The following AKNAD1 variants were observed in gnomAD, a reference collection of about 807,000 sequenced individuals.
The protein encoded by AKNAD1 is protein AKNAD1.
In AKNAD1, 67 loss-of-function variants were observed where a neutral mutation model predicts 90.8. That is an observed-to-expected ratio of 0.74 (90% CI 0.61 to 0.90). AKNAD1 has a LOEUF of 0.90. AKNAD1 is among the 40% of genes least tolerant of loss of function. The pLI is 0.00. For missense variants in AKNAD1, 957 were observed against 975.4 expected, an observed-to-expected ratio of 0.98 and a Z score of 0.25; for synonymous variants, 327 against 341.4, an observed-to-expected ratio of 0.96 and a Z score of 0.46.
intron 13 of AKNAD1, 101 bp from the exon 14 acceptor site, chr1:108,820,727 C>A: frequency 1.6e-6 from 1 of 643,854 alleles, no homozygotes; most frequent in Non-Finnish European, 2.6e-6. Context: ...TGAAATATTT[C>A]ATAAAATTTT....
At chr1:108,834,567 T>G in intron 8 of AKNAD1, 39 bp from the exon 9 acceptor site, 1 of 1,533,752 alleles carries the variant, frequency 6.5e-7, no homozygotes, top group East Asian at 2.3e-5. Context: ...AATGTTAGAA[T>G]CAGTTCTTGA....
At position 108,843,274 on chromosome 1, in the gene AKNAD1, C is replaced by T. The variant is rs760077253; in HGVS notation, c.1246-7G>A. On this transcript the variant is annotated splice_polypyrimidine_tract_variant and splice_region_variant and intron_variant, in intron 5 of 15. Transcript: ENST00000370001. ...CCTGCAGTTTCTCCAGGACCTGCAG[C>T]GGTGAAGTCACTGGAATCATTCACA... 9.9e-6 allele frequency: 16 copies of T among 1,612,702 alleles called. No individual in the cohort carries two copies. Among genetic ancestry groups the T allele is most frequent in the Middle Eastern group, 1.8e-4 (1 of 5,652 alleles).
At chr1:108,835,815 G>A (rs1028938374) in intron 7 of AKNAD1, among the ~76,000 whole-genome samples, 3 of 151,860 alleles carry the variant, frequency 2.0e-5, no homozygotes, top group African/African-American at 4.8e-5. Context: ...TAGTAGAAAC[G>A]GGGTTTCACC....
intron 9 of AKNAD1, 53 bp downstream of exon 9, chr1:108,834,394 T>C (rs1250055935): frequency 2.1e-6 from 3 of 1,462,050 alleles, no homozygotes; most frequent in Non-Finnish European, 2.8e-6. Flanking sequence ...TGGTTTTAGT[T>C]AAAGAGCCAA....
chr1:108,830,437 G>A, intron 10 of AKNAD1, 122 bp downstream of exon 10: 1 of 882,870 alleles, frequency 1.1e-6, no homozygotes, highest in South Asian at 1.6e-5. Flanking sequence ...GCCCAGGCCT[G>A]AGATCTGTGA....
chr1:108,828,801 C>T (rs923007604), intron 10 of AKNAD1, among the ~76,000 whole-genome samples: 9 of 151,806 alleles, frequency 5.9e-5, no homozygotes, highest in African/African-American at 1.9e-4. Context: ...TTGGATCTCA[C>T]TCAAGTGCAT....
rs756336209 is a variant in AKNAD1, at chr1:108,816,313, A to G, written c.2380-11T>C. 6.2e-7 allele frequency: 1 copy of G among 1,606,756 alleles called. No homozygotes were observed. The highest frequency in any genetic ancestry group is 1.3e-5 in the African/African-American group (1 of 74,670). ...AGCCGAGTTTAAAATCTACAGAGGA[A>G]AAGTCCACACATTTTAATTACATAA... On this transcript the variant is annotated splice_polypyrimidine_tract_variant and intron_variant, in intron 15 of 15. Coordinates refer to ENST00000370001, the MANE Select transcript of AKNAD1 (RefSeq NM_152763.5).
rs200797241 is a variant in AKNAD1 at position 108,848,954 on chromosome 1, C to T, written c.1140G>A (p.Met380Ile). The change falls in exon 4 of 16, where the codon ATG becomes ATA. Residue 380 changes from methionine to isoleucine, a missense_variant. By Grantham distance (10) the Met-to-Ile change is conservative. Transcript: ENST00000370001. ...IFQKISQGKQ[M>I]CQKLKEQTDQ... ...CAGTCTGTTCTTTCAACTTCTGACA[C>T]ATCTGTTTCCCTTGGGATATCTTTT... 1.8e-5 allele frequency: 29 copies of T among 1,609,406 alleles called. No homozygotes were observed. The highest frequency in any genetic ancestry group is 8.5e-7 in the Non-Finnish European group (1 of 1,178,802).
At chr1:108,831,683 GC>G (rs1394464139) in intron 9 of AKNAD1, among the ~76,000 whole-genome samples, 4 of 143,840 alleles carry the variant, frequency 2.8e-5, no homozygotes, top group African/African-American at 5.2e-5. Context: ...TCACTCTGTT[GC>G]CCAGGCTGGA....
At chr1:108,847,478 A>G (rs1218175343) in intron 5 of AKNAD1, among the ~76,000 whole-genome samples, 9 of 150,876 alleles carry the variant, frequency 6.0e-5, no homozygotes, top group Non-Finnish European at 7.4e-5. Context: ...AAAAACCTTC[A>G]ATGCTGCCCA....
intron 14 of AKNAD1, among the ~76,000 whole-genome samples, chr1:108,818,063 G>A (rs574036414): frequency 1.3e-5 from 2 of 152,308 alleles, no homozygotes; most frequent in South Asian, 4.1e-4. Context: ...GGGCTGTTAA[G>A]GTTGTGCAGA....
rs577565351 is a variant in AKNAD1, at chr1:108,853,333, A to G, written c.-103-566T>C. 2.8e-4 allele frequency among the ~76,000 whole-genome samples: 43 copies of G among 151,806 alleles called. No individual in the cohort carries two copies. The East Asian group carries it at 3.0e-3, about 10-fold the overall frequency. On this transcript the variant is annotated intron_variant, in intron 1 of 15. Coordinates refer to ENST00000370001, the MANE Select transcript of AKNAD1 (RefSeq NM_152763.5). The stretch of plus-strand genomic sequence containing the variant: ...TTTTTAGTAGAGATGGGGTTTCACC[A>G]TATTAGCCAGGATGGTCTTCATCTC...
Position 108,817,074 on chromosome 1 carries a change from CAA to C in AKNAD1, c.2351_2352del (p.Phe784Ter), listed in dbSNP as rs749469702. On this transcript the variant is annotated frameshift_variant, in exon 15 of 16. Transcript: ENST00000370001. LOFTEE classifies it high-confidence loss of function. The stretch of plus-strand genomic sequence containing the variant: ...TCAGATTTTATTTCTTCAGTGCTAT[CAA>C]AGTCACATAAGGATTTGCTTCCAGA... ...RISGSKSLCD[F>X]DSTEEIKSEI... 6.2e-7 allele frequency: 1 copy of C among 1,613,946 alleles called. No individual in the cohort carries two copies. Among genetic ancestry groups the C allele is most frequent in the African/African-American group, 1.3e-5 (1 of 74,896 alleles).
intron 13 of AKNAD1, chr1:108,823,074 AT>A: frequency 1.6e-6 from 1 of 645,066 alleles, no homozygotes; most frequent in South Asian, 1.8e-5. Context: ...CCAGTAAGTC[AT>A]TTATTTGTTC....
At chr1:108,817,272 G>T in intron 14 of AKNAD1, 95 bp from the exon 15 acceptor site, 2 of 1,519,224 alleles carry the variant, frequency 1.3e-6, no homozygotes, top group Non-Finnish European at 8.9e-7. Flanking sequence ...GGCTCTGTGT[G>T]GTTTGGGTGT....
chr1:108,827,562 C>T (rs560200996), intron 10 of AKNAD1, among the ~76,000 whole-genome samples: 68 of 151,572 alleles, frequency 4.5e-4, no homozygotes, highest in African/African-American at 1.5e-3. Context: ...CGCCTGTAAT[C>T]CCAGCACTTT....
chr1:108,835,782 G>A (rs1057498211), intron 7 of AKNAD1, among the ~76,000 whole-genome samples: 3 of 151,162 alleles, frequency 2.0e-5, no homozygotes, highest in African/African-American at 2.4e-5. Flanking sequence ...CCGCCACCAC[G>A]CCCGGCTAAT....
chr1:108,817,138 A>G lies in AKNAD1; in HGVS notation c.2289T>C (p.Pro763=). 1 of 1,614,140 alleles carries G rather than the reference A, an allele frequency of 6.2e-7. No homozygotes were observed. The highest frequency in any genetic ancestry group is 1.1e-5 in the South Asian group (1 of 91,078). ...LQAFMTYSSD[P]ATPSPHFYSC... The stretch of plus-strand genomic sequence containing the variant: ...AGTAGAAATGGGGTGAGGGTGTTGC[A>G]GGGTCTGAGCTGTAGGTCATGAAAG... Residue 763 remains proline (P), a synonymous_variant, in exon 15 of 16, where the codon CCT becomes CCC. Coordinates refer to ENST00000370001, the MANE Select transcript of AKNAD1 (RefSeq NM_152763.5).
chr1:108,835,769 C>T (rs947739459), intron 7 of AKNAD1, among the ~76,000 whole-genome samples: 5 of 151,910 alleles, frequency 3.3e-5, no homozygotes, highest in Non-Finnish European at 7.4e-5. Context: ...GGATTACAGG[C>T]GCCCGCCACC....
Sources: allele counts gnomAD v4.1 joint callset (sites outside exome capture counted in the v4.1 genomes callset), GRCh38; gene constraint gnomAD v4.1.1; transcripts MANE v1.5; gene names NCBI Gene and HGNC (gene_info 2026-07-23, HGNC 2026-07-21).